The following TMEM182 variants were observed in gnomAD, a reference collection of about 807,000 sequenced individuals.
The protein encoded by TMEM182 is transmembrane protein 182.
Under a neutral mutation model 26.8 loss-of-function variants are expected in TMEM182, and 20 were observed. The observed-to-expected ratio is 0.75, with a 90% CI of 0.53 to 1.09. TMEM182 has a LOEUF of 1.09. Among genes scored for constraint, TMEM182 ranks in the 50% least tolerant of loss-of-function variants. The probability of loss-of-function intolerance (pLI) is 0.00; values close to 1 mark genes in which losing one functional copy is unlikely to be tolerated. For missense variants in TMEM182, 277 were observed against 275.5 expected (o/e 1.01, Z -0.04); for synonymous variants, 109 against 102.2 (o/e 1.07, Z -0.40).
intron 3 of TMEM182, among the ~76,000 whole-genome samples, chr2:102,839,447 CTATATATATA>C (rs10691405): frequency 4.5e-5 from 6 of 134,408 alleles, no homozygotes; most frequent in African/African-American, 8.4e-5. Context: ...TGATGTTTTG[CTATATATATA>C]TATATATATA....
At chr2:102,762,382 G>T in intron 1 of TMEM182, 33 bp downstream of exon 1, 2 of 1,612,038 alleles carry the variant, frequency 1.2e-6, no homozygotes, top group Non-Finnish European at 1.7e-6. Flanking sequence ...TGATGCACAT[G>T]GTAGTTATGA....
downstream of TMEM182, among the ~76,000 whole-genome samples, chr2:102,818,629 C>G (rs922601951): frequency 6.6e-6 from 1 of 152,032 alleles, no homozygotes; most frequent in Non-Finnish European, 1.5e-5. Flanking sequence ...TCCCTCCTGC[C>G]CATAGGATTC....
chr2:102,817,279 T>C lies in TMEM182; in HGVS notation c.*2311T>C. 1 of 985,390 alleles carries C rather than the reference T, an allele frequency of 1.0e-6. No homozygotes were observed. The highest frequency in any genetic ancestry group is 1.2e-6 in the Non-Finnish European group (1 of 829,848). The allele number at this position is 985,390 out of a possible 1,614,324, so 61.0% of individuals were successfully genotyped here. On this transcript the variant is annotated 3_prime_UTR_variant, in exon 5 of 5. Transcript: ENST00000412401. ...GTATTTATTAATTTTTAGAAGCCTTTAAACTGTGTTAGAATCTTTTTGAAA... is the reference window on the plus strand; with the variant it reads ...GTATTTATTAATTTTTAGAAGCCTTCAAACTGTGTTAGAATCTTTTTGAAA...
In TMEM182 at chr2:102,770,204, C is replaced by G. The variant is rs115099497; in HGVS notation, c.331+5777C>G. Among the ~76,000 whole-genome samples, 148 of 152,256 alleles carry G rather than the reference C, an allele frequency of 9.7e-4. 1 individual carries two copies. Among genetic ancestry groups the G allele is most frequent in the African/African-American group, 3.3e-3 (138 of 41,550 alleles). On this transcript the variant is annotated intron_variant, in intron 3 of 4. Transcript: ENST00000412401. ...GTCAGCGAGCAGTCTGGTGCATTTTCTTGGGAAGGAGGCAGTGGTCTTCAA... is the reference window on the plus strand; with the variant it reads ...GTCAGCGAGCAGTCTGGTGCATTTTGTTGGGAAGGAGGCAGTGGTCTTCAA...
intron 4 of TMEM182, among the ~76,000 whole-genome samples, chr2:102,803,751 A>C (rs1232166953): frequency 6.6e-6 from 1 of 152,146 alleles, no homozygotes; most frequent in East Asian, 1.9e-4. Context: ...GTAAAGGAGG[A>C]TGTGGCGGCT....
intron 3 of TMEM182, among the ~76,000 whole-genome samples, chr2:102,834,199 G>C (rs999197460): frequency 6.6e-6 from 1 of 152,134 alleles, no homozygotes; most frequent in Non-Finnish European, 1.5e-5. Context: ...GCAATGACAT[G>C]GCTGCCTATA....
rs58667727 is a variant in TMEM182 at position 102,816,510 on chromosome 2, CAATAATAATAATAATAAT to C, written c.*1563_*1580del. 3 of 926,198 alleles carry C rather than the reference CAATAATAATAATAATAAT, an allele frequency of 3.2e-6. No individual in the cohort carries two copies. The highest frequency in any genetic ancestry group is 2.6e-6 in the Non-Finnish European group (2 of 783,280). 57.4% of individuals were successfully genotyped at this position (926,198 alleles called of 1,614,324 possible). On this transcript the variant is annotated 3_prime_UTR_variant, in exon 5 of 5. Transcript: ENST00000412401. ...AGGGCATTTTCATGACAGGACTTGC[CAATAATAATAATAATAAT>C]AATAATAATAATAATAATAAAGCTC... is the stretch of plus-strand genomic sequence containing the variant.
intron 4 of TMEM182, among the ~76,000 whole-genome samples, chr2:102,811,923 CTT>C (rs1301420133): frequency 6.6e-6 from 1 of 152,156 alleles, no homozygotes; most frequent in Non-Finnish European, 1.5e-5. Context: ...GATCTGGACA[CTT>C]GGTATACTCT....
chr2:102,749,625 A>G (rs529844415), intron 1 of TMEM182, among the ~76,000 whole-genome samples: 1 of 152,336 alleles, frequency 6.6e-6, no homozygotes, highest in South Asian at 2.1e-4. Flanking sequence ...GAAAACTTTG[A>G]ACCAATCATC....
intron 3 of TMEM182, among the ~76,000 whole-genome samples, chr2:102,768,098 C>G (rs967505014): frequency 6.6e-6 from 1 of 152,204 alleles, no homozygotes; most frequent in Non-Finnish European, 1.5e-5. Context: ...GGGCCATGCT[C>G]TCCTTTATAA....
intron 3 of TMEM182, among the ~76,000 whole-genome samples, chr2:102,767,787 T>G (rs561280350): frequency 2.0e-4 from 31 of 152,354 alleles, no homozygotes; most frequent in South Asian, 2.1e-4. Flanking sequence ...GAAACTCAAT[T>G]GCATACTTTT....
chr2:102,773,190 G>T (rs1249185796), intron 3 of TMEM182, among the ~76,000 whole-genome samples: 1 of 151,840 alleles, frequency 6.6e-6, no homozygotes, highest in South Asian at 2.1e-4. Context: ...AGGTTCTGGG[G>T]AACAGTAGTC....
intron 3 of TMEM182, among the ~76,000 whole-genome samples, chr2:102,840,137 A>G (rs1006130156): frequency 2.6e-5 from 4 of 152,206 alleles, no homozygotes; most frequent in African/African-American, 9.7e-5. Context: ...ATCTATAAAG[A>G]AATCTTTCCA....
chr2:102,791,923 T>G (rs1681658725), intron 3 of TMEM182, among the ~76,000 whole-genome samples: 1 of 151,964 alleles, frequency 6.6e-6, no homozygotes, highest in African/African-American at 2.4e-5. Flanking sequence ...ACAGTCAAGA[T>G]CTAAGAGATT....
In TMEM182 at chr2:102,816,258, C is replaced by T. The variant is rs1033710481; in HGVS notation, c.*1290C>T. ...GGGTATGTGAGCTTTGTTGGAGGTGCGGTGTTTCATTCTGCAGCTGTTGTG... is the reference window on the plus strand; with the variant it reads ...GGGTATGTGAGCTTTGTTGGAGGTGTGGTGTTTCATTCTGCAGCTGTTGTG... On this transcript the variant is annotated 3_prime_UTR_variant, in exon 5 of 5. Transcript: ENST00000412401. The T allele has an allele frequency of 1.2e-4, 123 of 985,262 alleles. 1 individual carries two copies. The Middle Eastern group carries it at 2.1e-3, about 17-fold the overall frequency. The allele number at this position is 985,262 out of a possible 1,614,324, so 61.0% of individuals were successfully genotyped here. A position where few individuals can be genotyped will look rare whatever the true frequency, so the allele number is the denominator to read the frequency against.
chr2:102,830,538 G>A (rs1683131315), intron 3 of TMEM182, among the ~76,000 whole-genome samples: 1 of 151,928 alleles, frequency 6.6e-6, no homozygotes, highest in Non-Finnish European at 1.5e-5. Context: ...ATGTATTTAT[G>A]TATTTATTTA....
intron 1 of TMEM182, among the ~76,000 whole-genome samples, chr2:102,755,416 G>A (rs1030101938): frequency 2.0e-5 from 3 of 152,140 alleles, no homozygotes; most frequent in Non-Finnish European, 4.4e-5. Flanking sequence ...AAGCTAGCAC[G>A]TCACCGTTTG....
Position 102,815,490 on chromosome 2 carries a change from T to G in TMEM182, c.*522T>G, listed in dbSNP as rs1294450338. The G allele has an allele frequency of 5.1e-6, 5 of 987,862 alleles. No individual in the cohort carries two copies. Among genetic ancestry groups the G allele is most frequent in the Non-Finnish European group, 4.8e-6 (4 of 831,798 alleles). 61.2% of individuals were successfully genotyped at this position (987,862 alleles called of 1,614,324 possible). A position where few individuals can be genotyped will look rare whatever the true frequency, so the allele number is the denominator to read the frequency against. The stretch of plus-strand genomic sequence containing the variant: ...AATAGACAGCAGTTGTTCTAATTAG[T>G]GGGAGCCATGTACTCACCAGTTAAA... On this transcript the variant is annotated 3_prime_UTR_variant, in exon 5 of 5. Coordinates refer to ENST00000412401, the MANE Select transcript of TMEM182 (RefSeq NM_144632.5).
intron 3 of TMEM182, among the ~76,000 whole-genome samples, chr2:102,778,580 G>A (rs1681028186): frequency 6.6e-6 from 1 of 151,774 alleles, no homozygotes; most frequent in African/African-American, 2.4e-5. Context: ...TTCTTTTCCT[G>A]CCTTCCTAGG....
Sources: allele counts gnomAD v4.1 joint callset (sites outside exome capture counted in the v4.1 genomes callset), GRCh38; gene constraint gnomAD v4.1.1; transcripts MANE v1.5; gene names NCBI Gene and HGNC (gene_info 2026-07-23, HGNC 2026-07-21).